Variants in NPEPPS observed in about 807,000 individuals in gnomAD.
The protein encoded by NPEPPS is puromycin-sensitive aminopeptidase.
A neutral mutation model predicts 115.5 loss-of-function variants in NPEPPS; 14 were observed. The observed-to-expected ratio is 0.12, with a 90% CI of 0.08 to 0.19. The LOEUF is 0.19. Among genes scored for constraint, NPEPPS ranks in the 10% least tolerant of loss-of-function variants. The probability of loss-of-function intolerance (pLI) is 1.00; values close to 1 mark genes in which losing one functional copy is unlikely to be tolerated. For missense variants in NPEPPS, 523 were observed against 1,110.8 expected (o/e 0.47, Z 7.52); for synonymous variants, 285 against 390.6 (o/e 0.73, Z 3.19).
chr17:47,535,590 G>C, intron 1 of NPEPPS, among the ~76,000 whole-genome samples: 1 of 149,612 alleles, frequency 6.7e-6, no homozygotes, highest in African/African-American at 2.5e-5. Context: ...TTTCACATTA[G>C]TGTGGTCTAG....
intron 9 of NPEPPS, among the ~76,000 whole-genome samples, chr17:47,590,480 G>A (rs1912436082): frequency 6.6e-6 from 1 of 151,312 alleles, no homozygotes; most frequent in African/African-American, 2.4e-5. Context: ...AGAAAAGAAA[G>A]GAAAAGAAAA....
At chr17:47,572,592 G>A (rs1266895883) in intron 3 of NPEPPS, among the ~76,000 whole-genome samples, 1 of 152,046 alleles carries the variant, frequency 6.6e-6, no homozygotes, top group Non-Finnish European at 1.5e-5. Context: ...AAGAATTACA[G>A]CAGGAAAACT....
chr17:47,559,510 T>C (rs1012113821), intron 2 of NPEPPS: 1 of 225,672 alleles, frequency 4.4e-6, no homozygotes, highest in Non-Finnish European at 9.1e-6. Flanking sequence ...TTTTATATTT[T>C]TGAACATAGT....
chr17:47,571,170 A>G (rs1004884699), intron 3 of NPEPPS, among the ~76,000 whole-genome samples: 3 of 152,172 alleles, frequency 2.0e-5, no homozygotes, highest in Non-Finnish European at 4.4e-5. Context: ...TGTAAACTTG[A>G]AAAGCAGAAT....
At chr17:47,563,204 G>T (rs964855729) in intron 2 of NPEPPS, among the ~76,000 whole-genome samples, 5 of 151,704 alleles carry the variant, frequency 3.3e-5, no homozygotes, top group African/African-American at 1.2e-4. Flanking sequence ...GCTAATTTTT[G>T]TATTTTTAGT....
chr17:47,536,878 A>AT (rs1370898302), intron 1 of NPEPPS, among the ~76,000 whole-genome samples: 6 of 151,364 alleles, frequency 4.0e-5, no homozygotes, highest in South Asian at 2.1e-4. Flanking sequence ...AGCCCAGCTA[A>AT]TTTTTTGTAT....
intron 5 of NPEPPS, among the ~76,000 whole-genome samples, chr17:47,583,135 AC>A (rs1390529713): frequency 6.6e-6 from 1 of 151,268 alleles, no homozygotes. Flanking sequence ...GGCATGAGCC[AC>A]CATGCCCAGC....
rs1567866207 is a variant in NPEPPS, at chr17:47,601,591, GTTC to G, written c.1601-12_1601-10del. On this transcript the variant is annotated splice_polypyrimidine_tract_variant and intron_variant, in intron 14 of 22. Transcript: ENST00000322157. The stretch of plus-strand genomic sequence containing the variant: ...GTTTGTCCCAGTGCAAAATTTGTTT[GTTC>G]TTCTCTGGCTTAGGTGAAGATTGTC... 6.2e-7 allele frequency: 1 copy of G among 1,612,740 alleles called. No homozygotes were observed. The highest frequency in any genetic ancestry group is 1.3e-5 in the African/African-American group (1 of 74,908).
At chr17:47,601,296 T>C (rs906560866) in intron 14 of NPEPPS, among the ~76,000 whole-genome samples, 1 of 152,110 alleles carries the variant, frequency 6.6e-6, no homozygotes, top group African/African-American at 2.4e-5. Flanking sequence ...TTTTTTTACT[T>C]TAACAGTAAA....
intron 2 of NPEPPS, among the ~76,000 whole-genome samples, chr17:47,565,401 C>T (rs934716495): frequency 1.5e-4 from 22 of 143,822 alleles, no homozygotes; most frequent in African/African-American, 4.7e-4. Flanking sequence ...CCCAGCTACT[C>T]GGGAGGCTGA....
chr17:47,525,430 G>A lies in NPEPPS; in HGVS notation c.77+2367G>A, dbSNP rs532702251. Among the ~76,000 whole-genome samples the A allele has an allele frequency of 2.6e-3, 389 of 152,220 alleles. 1 individual carries two copies. The highest frequency in any genetic ancestry group is 9.1e-3 in the African/African-American group (377 of 41,548). ...GTGATCTTGGCTCACTGCAACCTCT[G>A]CCTCCTGGGTTCAAGCGATTCTCCT... On this transcript the variant is annotated intron_variant, in intron 1 of 5. Transcript: ENST00000525007.
upstream of NPEPPS, among the ~76,000 whole-genome samples, chr17:47,530,239 G>T (rs1217228470): frequency 6.1e-5 from 9 of 148,374 alleles, no homozygotes; most frequent in African/African-American, 1.7e-4. Flanking sequence ...CACCGCGACC[G>T]CCCGAAACAT....
chr17:47,579,721 T>A, intron 4 of NPEPPS: 1 of 435,142 alleles, frequency 2.3e-6, no homozygotes, highest in South Asian at 2.6e-5. Flanking sequence ...TATATACAGT[T>A]ATACACACAG....
intron 19 of NPEPPS, among the ~76,000 whole-genome samples, chr17:47,614,721 A>G (rs1412564843): frequency 1.3e-5 from 2 of 152,234 alleles, no homozygotes; most frequent in African/African-American, 2.4e-5. Flanking sequence ...TGCACTGGCT[A>G]CATTAGAGGT....
chr17:47,614,530 A>C (rs1171066525), intron 19 of NPEPPS, among the ~76,000 whole-genome samples: 2 of 152,208 alleles, frequency 1.3e-5, no homozygotes, highest in Non-Finnish European at 2.9e-5. Context: ...TAGCCTCTCT[A>C]GTTTTCCCAG....
intron 1 of NPEPPS, among the ~76,000 whole-genome samples, chr17:47,540,726 T>C (rs1328867636): frequency 6.6e-6 from 1 of 152,230 alleles, no homozygotes; most frequent in South Asian, 2.1e-4. Context: ...CCTGTGTGTG[T>C]GTATGTGTAT....
chr17:47,528,655 G>T (rs1282780632), upstream of NPEPPS, among the ~76,000 whole-genome samples: 1 of 151,994 alleles, frequency 6.6e-6, no homozygotes, highest in African/African-American at 2.4e-5. Context: ...TTTTGAGACG[G>T]AGTTTCACTC....
chr17:47,595,899 T>C (rs1217013355), intron 12 of NPEPPS, among the ~76,000 whole-genome samples: 1 of 150,416 alleles, frequency 6.6e-6, no homozygotes, highest in Non-Finnish European at 1.5e-5. Context: ...GGAGAATTGC[T>C]TGAACCTGGG....
chr17:47,568,907 G>A (rs1264832457), intron 2 of NPEPPS, among the ~76,000 whole-genome samples: 1 of 151,168 alleles, frequency 6.6e-6, no homozygotes, highest in African/African-American at 2.4e-5. Context: ...CGCCTGCCTC[G>A]GCCTCCCAAA....
Sources: gnomAD v4.1 joint callset for allele counts (sites outside exome capture counted in the v4.1 genomes callset) on GRCh38, gnomAD v4.1.1 for gene constraint, MANE v1.5 for transcripts, NCBI Gene and HGNC (gene_info 2026-07-23, HGNC 2026-07-21) for gene names.